Variants in APOO observed in about 807,000 individuals in gnomAD.
The protein encoded by APOO is MICOS complex subunit MIC26.
Under a neutral mutation model 23.1 loss-of-function variants are expected in APOO, and 11 were observed. The ratio of observed to expected loss-of-function variants is 0.48; its 90% CI spans 0.30 to 0.79. The LOEUF (loss-of-function observed/expected upper bound fraction) is 0.79, where lower values mean the gene tolerates loss of function less well. Ranked by LOEUF, APOO falls within the 30% of genes least tolerant of loss-of-function variation. APOO has a pLI of 0.07. For missense variants in APOO, 160 were observed against 142.7 expected, an observed-to-expected ratio of 1.12 and a Z score of -0.62; for synonymous variants, 59 against 54.8, an observed-to-expected ratio of 1.08 and a Z score of -0.34.
At chrX:23,900,555 G>A (rs1927082990) in intron 1 of APOO, among the ~76,000 whole-genome samples, 1 of 108,998 alleles carries the variant, frequency 9.2e-6, no homozygotes, top group South Asian at 3.9e-4. Context: ...CATGCCTGTA[G>A]TCCCAGCTAC....
chrX:23,859,446 CT>C (rs34998705), intron 5 of APOO, among the ~76,000 whole-genome samples: 44,595 of 97,026 alleles, frequency 0.46, 10,363 homozygotes, highest in African/African-American at 0.84. Context: ...CTGGATATTT[CT>C]TTTTTTTTTT....
At chrX:23,859,590 C>A (rs1215012738) in intron 5 of APOO, among the ~76,000 whole-genome samples, 2 of 111,104 alleles carry the variant, frequency 1.8e-5, no homozygotes, top group African/African-American at 6.5e-5. Context: ...GTTACAGGCA[C>A]ACGCCACCAT....
chrX:23,894,022 A>AT (rs1234890582), intron 1 of APOO, among the ~76,000 whole-genome samples: 1 of 111,177 alleles, frequency 9.0e-6, no homozygotes, highest in South Asian at 3.7e-4. Context: ...TACTTACAAC[A>AT]TTTTTTTTAA....
intron 1 of APOO, among the ~76,000 whole-genome samples, chrX:23,901,643 C>T (rs1298005171): frequency 8.9e-6 from 1 of 112,030 alleles, no homozygotes; most frequent in Admixed American, 9.5e-5. Context: ...GCCCCAAGAC[C>T]GTGCACCACC....
Position 23,905,225 on chromosome X carries a change from T to C in APOO, c.9+2469A>G, listed in dbSNP as rs181871868. Among the ~76,000 whole-genome samples the C allele has an allele frequency of 9.7e-3, 1,059 of 108,769 alleles. 9 individuals carry two copies. Among genetic ancestry groups the C allele is most frequent in the South Asian group, 0.015 (36 of 2,466 alleles). 94.5% of individuals were successfully genotyped at this position (108,769 alleles called of 115,157 possible). A position where few individuals can be genotyped will look rare whatever the true frequency, so the allele number is the denominator to read the frequency against. Reference sequence around the variant, plus strand: ...AACACATGGTGAAACTCCGTCTTTATTAAAAATACAAAAAAATTAGCCAGG... The same window carrying C: ...AACACATGGTGAAACTCCGTCTTTACTAAAAATACAAAAAAATTAGCCAGG... On this transcript the variant is annotated intron_variant, in intron 1 of 8. Coordinates refer to ENST00000379226, the MANE Select transcript of APOO (RefSeq NM_024122.5).
chrX:23,894,632 T>C (rs1926818755), intron 1 of APOO, among the ~76,000 whole-genome samples: 1 of 109,431 alleles, frequency 9.1e-6, no homozygotes, highest in South Asian at 4.0e-4. Context: ...CTGTTTCTAC[T>C]AAAAATAGAA....
intron 1 of APOO, among the ~76,000 whole-genome samples, chrX:23,893,452 T>A (rs1405762603): frequency 3.6e-5 from 4 of 110,004 alleles, no homozygotes; most frequent in Non-Finnish European, 7.6e-5. Context: ...TAAATAAAAA[T>A]AAAAATCAAG....
intron 5 of APOO, among the ~76,000 whole-genome samples, chrX:23,859,384 C>A (rs1190173051): frequency 1.8e-5 from 2 of 111,094 alleles, no homozygotes; most frequent in African/African-American, 6.5e-5. Context: ...CCCGTACCGT[C>A]CAGCCCTAGG....
In APOO at chrX:23,836,641, TC is replaced by T. The variant is rs769265521; in HGVS notation, c.*30-3030del. ...GCCTAATTTCTTTTTTTTTTTTTTTTCCCCAAATCAATAGGTCTTTTATTGC... is the reference window on the plus strand; with the variant it reads ...GCCTAATTTCTTTTTTTTTTTTTTTTCCCAAATCAATAGGTCTTTTATTGC... On this transcript the variant is annotated intron_variant, in intron 8 of 8. Transcript: ENST00000379226. 4,197 of 690,942 alleles carry T rather than the reference TC, an allele frequency of 6.1e-3. 57 individuals are homozygous for T. The African/African-American group carries it at 0.076, about 13-fold the overall frequency. 56.9% of individuals were successfully genotyped at this position (690,942 alleles called of 1,213,427 possible).
chrX:23,900,237 A>G (rs1241524566), intron 1 of APOO, among the ~76,000 whole-genome samples: 1 of 112,286 alleles, frequency 8.9e-6, no homozygotes, highest in Non-Finnish European at 1.9e-5. Context: ...GGAACAGAAA[A>G]CACCTTACAT....
chrX:23,876,177 TG>T, intron 3 of APOO, among the ~76,000 whole-genome samples: 1 of 110,529 alleles, frequency 9.0e-6, no homozygotes, highest in East Asian at 2.9e-4. Flanking sequence ...GGCAGGAGAA[TG>T]GCGTGAACCC....
chrX:23,878,084 T>A (rs934939312), intron 3 of APOO, among the ~76,000 whole-genome samples: 6 of 112,250 alleles, frequency 5.3e-5, no homozygotes, highest in Non-Finnish European at 9.4e-5. Context: ...AGTTCAGTAA[T>A]CCAGTATGGA....
At chrX:23,837,336 A>C (rs778916458) in intron 8 of APOO, 1 of 878,699 alleles carries the variant, frequency 1.1e-6, no homozygotes, top group Non-Finnish European at 1.6e-6. Context: ...CAGTAGACGC[A>C]GCAAAGAAAG....
At chrX:23,839,959 T>C (rs1923891546) in intron 8 of APOO, 1 of 116,552 alleles carries the variant, frequency 8.6e-6, no homozygotes, top group Non-Finnish European at 1.8e-5. Context: ...TCTGTAACAG[T>C]CATGCATTCC....
chrX:23,839,870 C>CTG (rs763186909), intron 8 of APOO, among the ~76,000 whole-genome samples: 1 of 111,456 alleles, frequency 9.0e-6, no homozygotes, highest in South Asian at 3.7e-4. Context: ...TTACAGTCTT[C>CTG]TAATTACCAG....
chrX:23,879,517 C>T (rs748968908), intron 2 of APOO, among the ~76,000 whole-genome samples: 4 of 112,401 alleles, frequency 3.6e-5, no homozygotes, highest in Middle Eastern at 4.6e-3. Flanking sequence ...ACTATCTCTG[C>T]ACCTTATTTC....
chrX:23,842,809 G>A (rs748018718), intron 7 of APOO, among the ~76,000 whole-genome samples: 2 of 112,129 alleles, frequency 1.8e-5, no homozygotes, highest in South Asian at 3.7e-4. Flanking sequence ...AGGAGTTCGA[G>A]ACCAGCCTGA....
intron 3 of APOO, 138 bp from the exon 4 acceptor site, chrX:23,874,595 G>A: frequency 2.0e-6 from 1 of 496,276 alleles, no homozygotes; most frequent in Non-Finnish European, 3.4e-6. Flanking sequence ...TACACTGTCT[G>A]TCTGGGTCTT....
At chrX:23,889,628 A>T (rs1480861125) in intron 1 of APOO, among the ~76,000 whole-genome samples, 2 of 107,637 alleles carry the variant, frequency 1.9e-5, no homozygotes, top group Non-Finnish European at 3.8e-5. Flanking sequence ...CTGTGTACAC[A>T]AGAGGTTTCA....
Sources: allele counts gnomAD v4.1 joint callset (sites outside exome capture counted in the v4.1 genomes callset), GRCh38; gene constraint gnomAD v4.1.1; transcripts MANE v1.5; gene names NCBI Gene and HGNC (gene_info 2026-07-23, HGNC 2026-07-21).